The following C16orf89 variants were observed in gnomAD, a reference collection of about 807,000 sequenced individuals.
C16orf89 encodes UPF0764 protein C16orf89.
C16orf89 carries 57 observed loss-of-function variants against 41.5 expected under a neutral mutation model. The observed-to-expected ratio is 1.38, with a 90% CI of 1.11 to 1.71. The LOEUF is 1.71. Ranked by LOEUF, C16orf89 falls within the 40% of genes most tolerant of loss-of-function variation. The probability of loss-of-function intolerance (pLI) is 0.00; values close to 1 mark genes in which losing one functional copy is unlikely to be tolerated. For synonymous variants in C16orf89, 223 were observed against 190.6 expected (o/e 1.17, Z -1.40); for missense variants, 575 against 445.9 (o/e 1.29, Z -2.61).
intron 6 of C16orf89, among the ~76,000 whole-genome samples, chr16:5,053,568 T>C (rs2142630549): frequency 6.6e-6 from 1 of 151,092 alleles, no homozygotes; most frequent in Middle Eastern, 3.5e-3. Flanking sequence ...AAAGACAGTG[T>C]CTCGCTTTGT....
chr16:5,048,745 T>C (rs149025962), intron 6 of C16orf89, among the ~76,000 whole-genome samples: 119 of 151,778 alleles, frequency 7.8e-4, no homozygotes, highest in African/African-American at 2.8e-3. Flanking sequence ...GAAGCAAAAC[T>C]ATCACTAGAG....
chr16:5,045,706 A>G (rs1956283368), intron 7 of C16orf89, among the ~76,000 whole-genome samples: 1 of 152,154 alleles, frequency 6.6e-6, no homozygotes, highest in African/African-American at 2.4e-5. Flanking sequence ...AGATGAGGAA[A>G]ATGAGGCTCA....
At chr16:5,061,504 A>AAAAAC (rs1567159542) in intron 2 of C16orf89, among the ~76,000 whole-genome samples, 1 of 62,592 alleles carries the variant, frequency 1.6e-5, no homozygotes, top group Non-Finnish European at 3.4e-5. Flanking sequence ...AAAAAAAAAA[A>AAAAAC]CCCCCCCAAA....
At position 5,065,938 on chromosome 16, in the gene C16orf89, G is replaced by A. The variant is rs762879913; in HGVS notation, c.-30C>T. On this transcript the variant is annotated 5_prime_UTR_variant, in exon 1 of 8. Coordinates refer to ENST00000472572, the MANE Select transcript of C16orf89 (RefSeq NM_001098514.3). The stretch of plus-strand genomic sequence containing the variant: ...GGCCTCTGCTCACTGCTGGTCACAC[G>A]CTCAGCACCCTGAGCTCTGGCCAAG... The A allele has an allele frequency of 7.5e-6, 12 of 1,607,084 alleles. No individual in the cohort carries two copies. Among genetic ancestry groups the A allele is most frequent in the African/African-American group, 1.3e-5 (1 of 74,898 alleles).
At chr16:5,055,387 C>A (rs1956476209) in intron 5 of C16orf89, 37 bp from the exon 6 acceptor site, 1 of 1,518,778 alleles carries the variant, frequency 6.6e-7, no homozygotes, top group East Asian at 2.4e-5. Context: ...CAGGCCTGCC[C>A]CCCAGGCCCA....
At chr16:5,057,336 A>G (rs142449814) in intron 4 of C16orf89, among the ~76,000 whole-genome samples, 13 of 147,150 alleles carry the variant, frequency 8.8e-5, no homozygotes, top group African/African-American at 3.2e-4. Flanking sequence ...TGGTGTATAT[A>G]TATAGTGGTA....
intron 7 of C16orf89, among the ~76,000 whole-genome samples, chr16:5,045,756 G>A (rs1956284251): frequency 6.6e-6 from 1 of 152,160 alleles, no homozygotes; most frequent in Non-Finnish European, 1.5e-5. Context: ...AGAGGCAGAA[G>A]CGGGACTCGA....
At chr16:5,059,491 T>C (rs1956573730) in intron 3 of C16orf89, among the ~76,000 whole-genome samples, 1 of 151,906 alleles carries the variant, frequency 6.6e-6, no homozygotes, top group Non-Finnish European at 1.5e-5. Context: ...TAAATAAAAA[T>C]TTTTAAAAAG....
chr16:5,044,291 G>T lies in C16orf89; in HGVS notation c.*57C>A, dbSNP rs554047341. 59 of 1,517,600 alleles carry T rather than the reference G, an allele frequency of 3.9e-5. No homozygotes were observed. The highest frequency in any genetic ancestry group is 5.0e-5 in the Non-Finnish European group (57 of 1,134,762). The allele number at this position is 1,517,600 out of a possible 1,614,324, so 94.0% of individuals were successfully genotyped here. On this transcript the variant is annotated 3_prime_UTR_variant, in exon 8 of 8. Coordinates refer to ENST00000472572, the MANE Select transcript of C16orf89 (RefSeq NM_001098514.3). ...GATCCGTGCCCTCCAGGATCTAAGG[G>T]ATGAGGACTAAAGGGGTCTGTTCCT...
At chr16:5,052,229 C>T (rs745639670) in intron 6 of C16orf89, among the ~76,000 whole-genome samples, 16 of 151,958 alleles carry the variant, frequency 1.1e-4, no homozygotes, top group Non-Finnish European at 2.1e-4. Context: ...CCCTAATCAT[C>T]AGAGAAACGC....
At chr16:5,064,236 T>A (rs1229253338) in intron 1 of C16orf89, among the ~76,000 whole-genome samples, 1 of 152,180 alleles carries the variant, frequency 6.6e-6, no homozygotes, top group Non-Finnish European at 1.5e-5. Context: ...ATGGAAAAAT[T>A]GCTTTCCACA....
intron 4 of C16orf89, 89 bp from the exon 5 acceptor site, chr16:5,056,277 A>G: frequency 7.5e-7 from 1 of 1,326,738 alleles, no homozygotes; most frequent in Non-Finnish European, 1.0e-6. Flanking sequence ...CAGTTCTGAG[A>G]CGGTCTTGCA....
At chr16:5,047,705 G>A (rs1956324358) in intron 7 of C16orf89, among the ~76,000 whole-genome samples, 173 bp downstream of exon 7, 1 of 152,020 alleles carries the variant, frequency 6.6e-6, no homozygotes, top group African/African-American at 2.4e-5. Flanking sequence ...CTAAGAGGAG[G>A]CCATCAGGGA....
At chr16:5,049,567 A>G (rs1373031408) in intron 6 of C16orf89, among the ~76,000 whole-genome samples, 2 of 152,226 alleles carry the variant, frequency 1.3e-5, no homozygotes, top group African/African-American at 4.8e-5. Context: ...AAATTGTACA[A>G]ATACAGGGAA....
At chr16:5,046,391 A>G (rs1330611882) in intron 7 of C16orf89, among the ~76,000 whole-genome samples, 3 of 151,690 alleles carry the variant, frequency 2.0e-5, no homozygotes, top group African/African-American at 7.3e-5. Flanking sequence ...TCACTCTGTC[A>G]CCCAGGCTGG....
intron 1 of C16orf89, 89 bp downstream of exon 1, chr16:5,065,612 G>A: frequency 7.1e-7 from 1 of 1,405,732 alleles, no homozygotes; most frequent in Non-Finnish European, 9.8e-7. Context: ...CCAGGAGTCT[G>A]CCAGGTCCCA....
chr16:5,065,689 G>C lies in C16orf89; in HGVS notation c.208+12C>G. ...TCCCAGTGTCCAGCCAGAGGAATTGGGGCTCACTCACCTTCCAGCACTCGG... is the reference window on the plus strand; with the variant it reads ...TCCCAGTGTCCAGCCAGAGGAATTGCGGCTCACTCACCTTCCAGCACTCGG... On this transcript the variant is annotated intron_variant, in intron 1 of 7. Transcript: ENST00000472572. The C allele has an allele frequency of 1.2e-6, 2 of 1,606,798 alleles. No homozygotes were observed. The highest frequency in any genetic ancestry group is 1.7e-6 in the Non-Finnish European group (2 of 1,173,658).
chr16:5,065,719 C>G lies in C16orf89; in HGVS notation c.190G>C (p.Gly64Arg). 1 of 1,613,802 alleles carries G rather than the reference C, an allele frequency of 6.2e-7. No individual in the cohort carries two copies. Among genetic ancestry groups the G allele is most frequent in the Non-Finnish European group, 8.5e-7 (1 of 1,179,650 alleles). Residue 64 changes from glycine to arginine, a missense_variant, in exon 1 of 8, where the codon GGG becomes CGG. Transcript: ENST00000472572. ...LPEINLDGMVGVRVLEEQLKS... is the reference protein window; with the variant it reads ...LPEINLDGMVRVRVLEEQLKS... The stretch of plus-strand genomic sequence containing the variant: ...CACTCACCTTCCAGCACTCGGACCC[C>G]CACCATGCCATCCAGGTTGATTTCA...
intron 4 of C16orf89, among the ~76,000 whole-genome samples, chr16:5,057,220 G>C (rs995183126): frequency 2.7e-5 from 4 of 145,924 alleles, no homozygotes; most frequent in Middle Eastern, 3.7e-3. Context: ...CTGGGCAACA[G>C]AGTGAGACTC....
Sources: allele counts gnomAD v4.1 joint callset (sites outside exome capture counted in the v4.1 genomes callset), GRCh38; gene constraint gnomAD v4.1.1; transcripts MANE v1.5; gene names NCBI Gene and HGNC (gene_info 2026-07-23, HGNC 2026-07-21).